Variants in TENM4 observed in about 807,000 individuals in gnomAD.
The protein encoded by TENM4 is teneurin-4.
A neutral mutation model predicts 243.3 loss-of-function variants in TENM4; 82 were observed. The ratio of observed to expected loss-of-function variants is 0.34; its 90% CI spans 0.28 to 0.40. The LOEUF (loss-of-function observed/expected upper bound fraction) is 0.40, where lower values mean the gene tolerates loss of function less well. Ranked by LOEUF, TENM4 falls within the 10% of genes least tolerant of loss-of-function variation. The probability of loss-of-function intolerance (pLI) is 1.00; values close to 1 mark genes in which losing one functional copy is unlikely to be tolerated. For missense variants in TENM4, 3,138 were observed against 3,673.3 expected (o/e 0.85, Z 3.77); for synonymous variants, 1,412 against 1,456.3 (o/e 0.97, Z 0.69).
At chr11:78,940,603 C>T (rs1413510343) in intron 6 of TENM4, among the ~76,000 whole-genome samples, 1 of 152,198 alleles carries the variant, frequency 6.6e-6, no homozygotes, top group African/African-American at 2.4e-5. Context: ...CCTCCCAGCC[C>T]CCCTCCATTC....
Position 78,868,943 on chromosome 11 carries a change from T to C in TENM4, c.1085-5811A>G, listed in dbSNP as rs181165830. ...TTTTTTTTTTAAATGACTATTTCTA[T>C]GAAATCAGTCACTGAGGTTCTTTGA... On this transcript the variant is annotated intron_variant, in intron 9 of 33. Coordinates refer to ENST00000278550, the MANE Select transcript of TENM4 (RefSeq NM_001098816.3). Among the ~76,000 whole-genome samples the C allele has an allele frequency of 7.4e-3, 1,132 of 152,272 alleles. 3 individuals carry two copies. The highest frequency in any genetic ancestry group is 0.017 in the Middle Eastern group (5 of 294).
intron 2 of TENM4, among the ~76,000 whole-genome samples, chr11:79,217,784 A>G (rs1417837224): frequency 6.6e-6 from 1 of 151,458 alleles, no homozygotes; most frequent in Non-Finnish European, 1.5e-5. Context: ...GTGCAGTGGC[A>G]TGATCTCAGC....
chr11:79,054,352 A>C (rs1859884729), intron 6 of TENM4, among the ~76,000 whole-genome samples: 1 of 152,126 alleles, frequency 6.6e-6, no homozygotes, highest in South Asian at 2.1e-4. Flanking sequence ...CCAGATACTT[A>C]GTCATTCTCA....
chr11:78,906,383 G>T (rs1387020497), intron 6 of TENM4, among the ~76,000 whole-genome samples: 1 of 152,176 alleles, frequency 6.6e-6, no homozygotes, highest in Non-Finnish European at 1.5e-5. Flanking sequence ...GCTAAATGCA[G>T]GAAAAAGGTC....
Position 78,967,002 on chromosome 11 carries a change from C to T in TENM4, c.494-63479G>A, listed in dbSNP as rs1453680560. ...TCTGAGCTTTTGCACAAGCTTGTTC[C>T]TCCTCCCTGGGGCACTTCCTTTCCT... is the stretch of plus-strand genomic sequence containing the variant. On this transcript the variant is annotated intron_variant, in intron 6 of 33. Coordinates refer to ENST00000278550, the MANE Select transcript of TENM4 (RefSeq NM_001098816.3). Among the ~76,000 whole-genome samples, 4 of 152,182 alleles carry T rather than the reference C, an allele frequency of 2.6e-5. No homozygotes were observed. In the South Asian group the frequency reaches 6.2e-4, roughly 24 times the overall value.
At chr11:79,380,411 G>A (rs1331960868) in intron 1 of TENM4, among the ~76,000 whole-genome samples, 1 of 152,144 alleles carries the variant, frequency 6.6e-6, no homozygotes, top group Non-Finnish European at 1.5e-5. Context: ...CAGGGACTGG[G>A]GTGGTATCAT....
intron 2 of TENM4, among the ~76,000 whole-genome samples, chr11:79,285,623 A>C (rs781429215): frequency 2.6e-5 from 4 of 152,174 alleles, no homozygotes; most frequent in Non-Finnish European, 5.9e-5. Flanking sequence ...ATCAACTGAT[A>C]AATGGATAAA....
intron 7 of TENM4, among the ~76,000 whole-genome samples, chr11:78,899,517 G>A (rs1176346136): frequency 1.5e-5 from 2 of 134,892 alleles, no homozygotes; most frequent in Non-Finnish European, 3.1e-5. Context: ...GGTTGAGGCT[G>A]CAGCGTGTCA....
chr11:79,118,224 G>A (rs1428430054), intron 4 of TENM4, among the ~76,000 whole-genome samples: 1 of 152,136 alleles, frequency 6.6e-6, no homozygotes, highest in African/African-American at 2.4e-5. Context: ...TGCCATCACT[G>A]AGTAGTAATA....
At position 78,756,900 on chromosome 11, in the gene TENM4, T is replaced by C. The variant is rs1219153381; in HGVS notation, c.2661A>G (p.Ser887=). ...DIIQETQVPV[S]QQNLHSFYDR... is the part of the protein sequence containing the mutation. ...CATAGAAGGAGTGTAGGTTCTGCTG[T>C]GACACAGGGACCTGTGTCTCCTGGA... The change falls in exon 19 of 34, where the codon TCA becomes TCG. Residue 887 remains serine (S), a synonymous_variant. Coordinates refer to ENST00000278550, the MANE Select transcript of TENM4 (RefSeq NM_001098816.3). 2 of 1,613,926 alleles carry C rather than the reference T, an allele frequency of 1.2e-6. No individual in the cohort carries two copies. Among genetic ancestry groups the C allele is most frequent in the Non-Finnish European group, 1.7e-6 (2 of 1,179,868 alleles).
At chr11:79,306,667 T>C (rs907998263) in intron 1 of TENM4, among the ~76,000 whole-genome samples, 15 of 152,306 alleles carry the variant, frequency 9.8e-5, no homozygotes, top group South Asian at 4.1e-4. Flanking sequence ...TTATATGAAC[T>C]CTACATGCAC....
Position 79,200,390 on chromosome 11 carries a change from C to T in TENM4, c.-163+15418G>A, listed in dbSNP as rs1013571329. On this transcript the variant is annotated intron_variant, in intron 3 of 33. Transcript: ENST00000278550. ...CTCCACTTTTAAAAGTCCACTTCAC[C>T]TTACTCCGCATTGAATCTAGTGTCC... Among the ~76,000 whole-genome samples, 37 of 152,352 alleles carry T rather than the reference C, an allele frequency of 2.4e-4. No individual in the cohort carries two copies. The Middle Eastern group carries it at 0.01, about 42-fold the overall frequency.
At chr11:79,418,814 A>C (rs1312488953) in intron 1 of TENM4, among the ~76,000 whole-genome samples, 1 of 152,282 alleles carries the variant, frequency 6.6e-6, no homozygotes, top group South Asian at 2.1e-4. Context: ...ACAGGTTGTC[A>C]TCTCTTTGAA....
intron 2 of TENM4, among the ~76,000 whole-genome samples, chr11:79,271,261 A>G (rs1855964553): frequency 1.3e-5 from 2 of 152,324 alleles, no homozygotes; most frequent in African/African-American, 2.4e-5. Flanking sequence ...CTTCTTCCCC[A>G]AAGGGTTATG....
chr11:78,899,264 A>G (rs1855871066), intron 7 of TENM4, among the ~76,000 whole-genome samples: 1 of 152,094 alleles, frequency 6.6e-6, no homozygotes, highest in Non-Finnish European at 1.5e-5. Context: ...AGGATGCTAT[A>G]GTTTGGATGT....
intron 1 of TENM4, among the ~76,000 whole-genome samples, chr11:79,395,969 C>T (rs1858335480): frequency 6.6e-6 from 1 of 152,176 alleles, no homozygotes; most frequent in African/African-American, 2.4e-5. Context: ...TAATATTAGT[C>T]TTAGTTTATA....
chr11:78,928,267 G>C (rs141889357), intron 6 of TENM4, among the ~76,000 whole-genome samples: 1 of 152,190 alleles, frequency 6.6e-6, no homozygotes, highest in Admixed American at 6.5e-5. Flanking sequence ...GACCAGGGCT[G>C]TCCTACCCAG....
At chr11:78,903,623 C>G (rs1304574160) in intron 6 of TENM4, 100 bp from the exon 7 acceptor site, 2 of 1,506,998 alleles carry the variant, frequency 1.3e-6, no homozygotes, top group East Asian at 2.5e-5. Flanking sequence ...GAAGAGGGAG[C>G]CGGCAGATTA....
intron 2 of TENM4, among the ~76,000 whole-genome samples, chr11:79,268,070 A>G (rs750136430): frequency 2.8e-4 from 42 of 152,228 alleles, no homozygotes; most frequent in Non-Finnish European, 4.9e-4. Context: ...CCCAGTGTTC[A>G]AGAGGGAAAG....
Sources: gnomAD v4.1 joint callset for allele counts (sites outside exome capture counted in the v4.1 genomes callset) on GRCh38, gnomAD v4.1.1 for gene constraint, MANE v1.5 for transcripts, NCBI Gene and HGNC (gene_info 2026-07-23, HGNC 2026-07-21) for gene names.